The following WWTR1 variants were observed in gnomAD, a reference collection of about 807,000 sequenced individuals.
WWTR1 encodes WW domain containing transcription regulator 1, also known as WW domain-containing transcription regulator protein 1.
A neutral mutation model predicts 40.1 loss-of-function variants in WWTR1; 13 were observed. The observed-to-expected ratio is 0.32, with a 90% CI of 0.21 to 0.52. The LOEUF is 0.52. Among genes scored for constraint, WWTR1 ranks in the 20% least tolerant of loss-of-function variants. The pLI is 0.97. For missense variants in WWTR1, 436 were observed against 523.1 expected, an observed-to-expected ratio of 0.83 and a Z score of 1.63; for synonymous variants, 230 against 210.1, an observed-to-expected ratio of 1.09 and a Z score of -0.82.
At chr3:149,578,649 G>C (rs1738001234) in intron 2 of WWTR1, among the ~76,000 whole-genome samples, 1 of 152,184 alleles carries the variant, frequency 6.6e-6, no homozygotes, top group Admixed American at 6.5e-5. Context: ...TGTAATCCCA[G>C]CACTTTGGGA....
At chr3:149,604,707 T>C (rs1405686039) in intron 2 of WWTR1, among the ~76,000 whole-genome samples, 3 of 152,238 alleles carry the variant, frequency 2.0e-5, no homozygotes, top group Non-Finnish European at 4.4e-5. Flanking sequence ...CCAAGGCTGC[T>C]GGCCTTCCGT....
At chr3:149,641,493 T>G (rs187633989) in intron 2 of WWTR1, among the ~76,000 whole-genome samples, 3 of 152,232 alleles carry the variant, frequency 2.0e-5, no homozygotes, top group Non-Finnish European at 4.4e-5. Flanking sequence ...CTGGGAAATT[T>G]GAGTCCTTTA....
At chr3:149,655,428 G>C (rs1713151480) in intron 2 of WWTR1, among the ~76,000 whole-genome samples, 1 of 151,550 alleles carries the variant, frequency 6.6e-6, no homozygotes, top group South Asian at 2.1e-4. Context: ...GTGGGCGACA[G>C]AGTGAGACTT....
chr3:149,632,224 T>G (rs1478399472), intron 2 of WWTR1, among the ~76,000 whole-genome samples: 1 of 152,192 alleles, frequency 6.6e-6, no homozygotes, highest in African/African-American at 2.4e-5. Context: ...TAATTTTTAC[T>G]TTTTAAAATT....
chr3:149,534,582 G>A (rs1048242752), intron 4 of WWTR1, among the ~76,000 whole-genome samples: 17 of 152,172 alleles, frequency 1.1e-4, no homozygotes, highest in East Asian at 1.9e-4. Flanking sequence ...TATGAGTGGA[G>A]CTCATGTCCT....
At chr3:149,606,346 T>C (rs1240738537) in intron 2 of WWTR1, among the ~76,000 whole-genome samples, 4 of 152,254 alleles carry the variant, frequency 2.6e-5, no homozygotes, top group Admixed American at 6.5e-5. Context: ...CCTGGGTTTC[T>C]CTAAGGCAGT....
At chr3:149,531,894 C>T (rs1175713768) in intron 4 of WWTR1, among the ~76,000 whole-genome samples, 1 of 152,128 alleles carries the variant, frequency 6.6e-6, no homozygotes, top group African/African-American at 2.4e-5. Flanking sequence ...AAACTAAGAA[C>T]ATGCAATCTC....
At chr3:149,676,437 A>G (rs1299482936) in intron 1 of WWTR1, among the ~76,000 whole-genome samples, 2 of 137,826 alleles carry the variant, frequency 1.5e-5, no homozygotes, top group Non-Finnish European at 3.1e-5. Context: ...TCCTTGTCAG[A>G]CTAGATTCTT....
intron 5 of WWTR1, among the ~76,000 whole-genome samples, chr3:149,714,324 C>T (rs760899686): frequency 2.0e-5 from 3 of 152,184 alleles, no homozygotes; most frequent in Non-Finnish European, 2.9e-5. Context: ...GCTGCGACTG[C>T]AGAACCAGGC....
At chr3:149,672,426 T>C (rs76545452) in intron 1 of WWTR1, among the ~76,000 whole-genome samples, 4,810 of 152,290 alleles carry the variant, frequency 0.032, 154 homozygotes, top group East Asian at 0.13. Flanking sequence ...TGGGGAAAAG[T>C]AGGCTACCTA....
At chr3:149,536,594 C>T (rs1323977847) in intron 4 of WWTR1, among the ~76,000 whole-genome samples, 2 of 152,020 alleles carry the variant, frequency 1.3e-5, no homozygotes, top group South Asian at 2.1e-4. Context: ...TGGCCCGCCG[C>T]GCCTGGTGGC....
chr3:149,569,982 C>T (rs576073153), intron 3 of WWTR1, among the ~76,000 whole-genome samples: 101 of 152,286 alleles, frequency 6.6e-4, no homozygotes, highest in African/African-American at 2.4e-3. Context: ...CAGCTCTGCT[C>T]TTTTTATTTT....
chr3:149,556,295 A>AGCAGGCC (rs1736821896), intron 3 of WWTR1, among the ~76,000 whole-genome samples: 1 of 152,150 alleles, frequency 6.6e-6, no homozygotes, highest in Non-Finnish European at 1.5e-5. Flanking sequence ...AAAAGTGTGA[A>AGCAGGCC]GCAGGCCGGG....
chr3:149,587,311 T>C (rs1227423764), intron 2 of WWTR1, among the ~76,000 whole-genome samples: 3 of 152,084 alleles, frequency 2.0e-5, no homozygotes, highest in Non-Finnish European at 4.4e-5. Context: ...AGAAAAAAGT[T>C]TGATTTTTTT....
At chr3:149,694,063 G>A (rs1253837672) in intron 1 of WWTR1, among the ~76,000 whole-genome samples, 1 of 152,168 alleles carries the variant, frequency 6.6e-6, no homozygotes, top group African/African-American at 2.4e-5. Flanking sequence ...AAGACAAAGC[G>A]AAGTGGGAGA....
intron 2 of WWTR1, among the ~76,000 whole-genome samples, chr3:149,646,681 A>G (rs1007182810): frequency 4.6e-5 from 7 of 152,218 alleles, no homozygotes; most frequent in Non-Finnish European, 8.8e-5. Context: ...AGACTGATTG[A>G]CAGATAGAAC....
intron 3 of WWTR1, among the ~76,000 whole-genome samples, chr3:149,553,198 C>G (rs73867375): frequency 8.1e-4 from 124 of 152,276 alleles, no homozygotes; most frequent in African/African-American, 3.0e-3. Flanking sequence ...ACCTAGGAAA[C>G]CCGGAACGCC....
At chr3:149,636,993 G>C (rs901777855) in intron 2 of WWTR1, among the ~76,000 whole-genome samples, 19 of 135,376 alleles carry the variant, frequency 1.4e-4, no homozygotes, top group African/African-American at 5.3e-4. Flanking sequence ...AAAAAAAAGA[G>C]AGAAGTATTA....
Position 149,519,566 on chromosome 3 carries a change from G to A in WWTR1, c.*1239C>T, listed in dbSNP as rs961152736. On this transcript the variant is annotated 3_prime_UTR_variant, in exon 7 of 7. Coordinates refer to ENST00000360632, the MANE Select transcript of WWTR1 (RefSeq NM_015472.6). ...TGATGTTTTCAGAGTTATTTCAAAAGACAAAAATACAGTTGCCACTGATTT... is the reference window on the plus strand; with the variant it reads ...TGATGTTTTCAGAGTTATTTCAAAAAACAAAAATACAGTTGCCACTGATTT... 2.3e-4 allele frequency: 35 copies of A among 152,310 alleles called. No individual in the cohort carries two copies. Among genetic ancestry groups the A allele is most frequent in the Middle Eastern group, 6.8e-3 (2 of 294 alleles). The allele number at this position is 152,310 out of a possible 1,614,324, so 9.4% of individuals were successfully genotyped here.
Sources: gnomAD v4.1 joint callset for allele counts (sites outside exome capture counted in the v4.1 genomes callset) on GRCh38, gnomAD v4.1.1 for gene constraint, MANE v1.5 for transcripts, NCBI Gene and HGNC (gene_info 2026-07-23, HGNC 2026-07-21) for gene names.